Variants in SORBS3 observed in about 807,000 individuals in gnomAD.
SORBS3 encodes vinexin.
In SORBS3, 69 loss-of-function variants were observed where a neutral mutation model predicts 98.0. That is an observed-to-expected ratio of 0.70 (90% CI 0.58 to 0.86). The LOEUF (loss-of-function observed/expected upper bound fraction) is 0.86. Ranked by LOEUF, SORBS3 falls within the 40% of genes least tolerant of loss-of-function variation. SORBS3 has a pLI of 0.00. For missense variants in SORBS3, 954 were observed against 908.5 expected, an observed-to-expected ratio of 1.05 and a Z score of -0.64; for synonymous variants, 394 against 355.4, an observed-to-expected ratio of 1.11 and a Z score of -1.22.
Position 22,571,203 on chromosome 8 carries a change from G to T in SORBS3, c.1725G>T (p.Glu575Asp). ...CTGGCTTCTCCTTCCCCACCCAGGA[G>T]CCTAGACCCCAGACCCAGGTGAGGT... ...RRTGFSFPTQ[E>D]PRPQTQNLGT... is the part of the protein sequence containing the mutation. Residue 575 changes from glutamate (E) to aspartate (D), a missense_variant, in exon 18 of 21, where the codon GAG (glutamate) becomes GAT (aspartate). By Grantham distance (45) the Glu-to-Asp change is conservative. Transcript: ENST00000240123. The T allele has an allele frequency of 3.2e-6, 5 of 1,554,438 alleles. No individual in the cohort carries two copies. Among genetic ancestry groups the T allele is most frequent in the Non-Finnish European group, 4.3e-6 (5 of 1,152,216 alleles).
chr8:22,562,555 A>G (rs1001963848), intron 7 of SORBS3, among the ~76,000 whole-genome samples: 15 of 152,302 alleles, frequency 9.8e-5, no homozygotes, highest in Admixed American at 6.5e-4. Context: ...GACTCGTCTC[A>G]TTAGCATGGC....
Position 22,572,273 on chromosome 8 carries a change from G to A in SORBS3, c.1848-67G>A, listed in dbSNP as rs1188784281. ...TGAAGGGACCCTGGGGCATTCACAG[G>A]AAGCGGCAACACTTGGGTTAGAGCC... is the stretch of plus-strand genomic sequence containing the variant. On this transcript the variant is annotated intron_variant, in intron 19 of 20. Transcript: ENST00000240123. 4.3e-5 allele frequency: 56 copies of A among 1,313,070 alleles called. 1 individual carries two copies. The highest frequency in any genetic ancestry group is 5.8e-5 in the Non-Finnish European group (53 of 908,170). 81.3% of individuals were successfully genotyped at this position (1,313,070 alleles called of 1,614,324 possible).
At chr8:22,547,404 T>C (rs1840026952), upstream of SORBS3, among the ~76,000 whole-genome samples, 1 of 152,028 alleles carries the variant, frequency 6.6e-6, no homozygotes, top group Middle Eastern at 3.2e-3. Flanking sequence ...AATTTAATGG[T>C]AAATGAAGCA....
rs939944094 is a variant in SORBS3 at position 22,554,109 on chromosome 8, C to T, written c.-55-343C>T. ...CCCCACTTCCCCTGCGCCTTCCCTC[C>T]GGGGGAGTGGGGAAGCCAGCTGCAC... On this transcript the variant is annotated intron_variant, in intron 1 of 20. Coordinates refer to ENST00000240123, the MANE Select transcript of SORBS3 (RefSeq NM_005775.5). The surrounding 1 kb of genome is among the most constrained non-coding windows in gnomAD (Gnocchi z 6.5). The T allele has an allele frequency of 2.2e-4, 39 of 174,726 alleles. No homozygotes were observed. The highest frequency in any genetic ancestry group is 7.1e-4 in the African/African-American group (30 of 42,154). 10.8% of individuals were successfully genotyped at this position (174,726 alleles called of 1,614,324 possible). A position where few individuals can be genotyped will look rare whatever the true frequency, so the allele number is the denominator to read the frequency against.
chr8:22,573,726 G>C (rs1441630028), intron 20 of SORBS3, among the ~76,000 whole-genome samples: 1 of 152,240 alleles, frequency 6.6e-6, no homozygotes, highest in African/African-American at 2.4e-5. Context: ...TGCCAGCCTG[G>C]AAGGGGAGGC....
chr8:22,556,026 G>A (rs950306576), intron 3 of SORBS3, among the ~76,000 whole-genome samples: 3 of 152,174 alleles, frequency 2.0e-5, no homozygotes, highest in South Asian at 2.1e-4. Flanking sequence ...AACCCCATTC[G>A]CAGAGATGTT....
upstream of SORBS3, chr8:22,551,912 G>A (rs892268715): frequency 6.1e-6 from 6 of 985,128 alleles, no homozygotes; most frequent in African/African-American, 8.7e-5. The surrounding 1 kb of genome is among the most constrained non-coding windows in gnomAD (Gnocchi z 5.8). Context: ...GCGACGGCCC[G>A]CGCTTCTCCT....
At chr8:22,565,797 G>T in intron 11 of SORBS3, 29 bp from the exon 12 acceptor site, 1 of 1,318,928 alleles carries the variant, frequency 7.6e-7, no homozygotes, top group Non-Finnish European at 9.7e-7. Context: ...CGGGGTCGCG[G>T]GCCCTGATTG....
chr8:22,566,685 G>A lies in SORBS3; in HGVS notation c.1115G>A (p.Gly372Asp). Residue 372 changes from glycine (G) to aspartate (D), a missense_variant, in exon 14 of 21, where the codon GGC becomes GAC. Coordinates refer to ENST00000240123, the MANE Select transcript of SORBS3 (RefSeq NM_005775.5). ...TRDPSASNGG[G>D]SPARREEKKR... ...GACCCTAGTGCCTCTAACGGAGGGG[G>A]CAGCCCAGCCAGGAGGGAAGAGAAG... The A allele has an allele frequency of 6.2e-7, 1 of 1,610,866 alleles. No homozygotes were observed. The highest frequency in any genetic ancestry group is 8.5e-7 in the Non-Finnish European group (1 of 1,179,068).
In SORBS3 at chr8:22,571,059, C is replaced by G. The variant is rs751863888; in HGVS notation, c.1581C>G (p.Leu527=). 1.2e-6 allele frequency: 2 copies of G among 1,612,876 alleles called. No individual in the cohort carries two copies. Among genetic ancestry groups the G allele is most frequent in the African/African-American group, 2.7e-5 (2 of 74,874 alleles). Residue 527 remains leucine (L), a synonymous_variant, in exon 18 of 21, where the codon CTC becomes CTG. Transcript: ENST00000240123. Reference sequence around the variant, plus strand: ...GGCTCTGTGACGACGGCCCCCAGCTCCCCACGTCTCCCCGCCTGACCGCTG... The same window carrying G: ...GGCTCTGTGACGACGGCCCCCAGCTGCCCACGTCTCCCCGCCTGACCGCTG... ...RLRLCDDGPQ[L]PTSPRLTAAA... is the part of the protein sequence containing the mutation.
intron 8 of SORBS3, 103 bp downstream of exon 8, chr8:22,564,180 G>A (rs912076256): frequency 3.0e-5 from 45 of 1,480,892 alleles, no homozygotes; most frequent in Middle Eastern, 3.4e-4. Context: ...GGAGGACACC[G>A]TGGGCCCAGG....
chr8:22,561,239 C>A, intron 5 of SORBS3, 96 bp from the exon 6 acceptor site: 1 of 1,245,216 alleles, frequency 8.0e-7, no homozygotes, highest in African/African-American at 1.5e-5. Context: ...CAGCCCCCTA[C>A]TCTAGGGATG....
At chr8:22,562,120 C>A (rs1427344324) in intron 7 of SORBS3, among the ~76,000 whole-genome samples, 189 bp downstream of exon 7, 2 of 152,236 alleles carry the variant, frequency 1.3e-5, no homozygotes, top group African/African-American at 2.4e-5. Context: ...ACTCTCTTCC[C>A]TACAGGGTCA....
rs768763540 is a variant in SORBS3 at position 22,574,660 on chromosome 8, C to G, written c.1955-7C>G. On this transcript the variant is annotated splice_polypyrimidine_tract_variant and splice_region_variant and intron_variant, in intron 20 of 20. Transcript: ENST00000240123. ...GGGGAAAGCTCTTCCTGCCTTTCCTCTTTCAGGTGTCTCCCGGAGGACCCA... is the reference window on the plus strand; with the variant it reads ...GGGGAAAGCTCTTCCTGCCTTTCCTGTTTCAGGTGTCTCCCGGAGGACCCA... The G allele has an allele frequency of 1.2e-6, 2 of 1,612,892 alleles. No homozygotes were observed. Among genetic ancestry groups the G allele is most frequent in the South Asian group, 2.2e-5 (2 of 91,062 alleles).
At position 22,565,291 on chromosome 8, in the gene SORBS3, C is replaced by A. The variant is rs915526012; in HGVS notation, c.840C>A (p.Ala280=). The part of the protein sequence containing the change: ...PIEVLLEREL[A]ELSAELDKDL... ...AGGTGCTGCTGGAGAGAGAGCTGGCCGAGCTGAGCGCCGAGCTGGACAAGG... is the reference window on the plus strand; with the variant it reads ...AGGTGCTGCTGGAGAGAGAGCTGGCAGAGCTGAGCGCCGAGCTGGACAAGG... The change falls in exon 11 of 21, where the codon GCC becomes GCA. Residue 280 remains alanine, a synonymous_variant. Coordinates refer to ENST00000240123, the MANE Select transcript of SORBS3 (RefSeq NM_005775.5). 1 of 1,556,182 alleles carries A rather than the reference C, an allele frequency of 6.4e-7. No homozygotes were observed. Among genetic ancestry groups the A allele is most frequent in the Non-Finnish European group, 8.7e-7 (1 of 1,150,192 alleles).
chr8:22,575,122 T>G lies in SORBS3; in HGVS notation c.*394T>G. 2.9e-6 allele frequency: 1 copy of G among 350,022 alleles called. No homozygotes were observed. The highest frequency in any genetic ancestry group is 2.1e-5 in the South Asian group (1 of 46,888). The allele number at this position is 350,022 out of a possible 1,614,324, so 21.7% of individuals were successfully genotyped here. ...GTTCCTCTAACCAGAACCAGCTTCC[T>G]AGCCTCGTAGAGACCAAAGGCCGCC... On this transcript the variant is annotated 3_prime_UTR_variant, in exon 21 of 21. Coordinates refer to ENST00000240123, the MANE Select transcript of SORBS3 (RefSeq NM_005775.5).
intron 10 of SORBS3, chr8:22,564,852 G>A: frequency 7.8e-7 from 1 of 1,287,024 alleles, no homozygotes; most frequent in Non-Finnish European, 9.9e-7. Context: ...CATAGCAGAG[G>A]CTGGCAGGAA....
In SORBS3 at chr8:22,558,212, C is replaced by G. The variant is rs773979226; in HGVS notation, c.478+20C>G. On this transcript the variant is annotated intron_variant, in intron 5 of 20. Coordinates refer to ENST00000240123, the MANE Select transcript of SORBS3 (RefSeq NM_005775.5). ...TGCCAGGTAAGATACCCTTCCAGGG[C>G]CCTCTCCCTGCCAAAGTGGATTCTG... is the stretch of plus-strand genomic sequence containing the variant. 6.8e-6 allele frequency: 11 copies of G among 1,612,078 alleles called. No individual in the cohort carries two copies. The highest frequency in any genetic ancestry group is 1.7e-5 in the Admixed American group (1 of 60,006).
At chr8:22,557,985 G>C in intron 4 of SORBS3, 144 bp from the exon 5 acceptor site, 2 of 753,046 alleles carry the variant, frequency 2.7e-6, no homozygotes, top group Non-Finnish European at 4.9e-6. Flanking sequence ...TTATTAAAGA[G>C]ATCGCAAGAG....
Sources: allele counts gnomAD v4.1 joint callset (sites outside exome capture counted in the v4.1 genomes callset), GRCh38; gene constraint gnomAD v4.1.1; non-coding constraint Gnocchi (gnomAD v3.1); transcripts MANE v1.5; gene names NCBI Gene and HGNC (gene_info 2026-07-23, HGNC 2026-07-21).